FBXO28: variants seen among roughly 807,000 people sequenced by gnomAD.
The protein encoded by FBXO28 is F-box protein 28.
FBXO28 carries 8 observed loss-of-function variants against 38.1 expected under a neutral mutation model. The observed-to-expected ratio is 0.21, with a 90% CI of 0.12 to 0.38. The LOEUF (loss-of-function observed/expected upper bound fraction) is 0.38. Among genes scored for constraint, FBXO28 ranks in the 10% least tolerant of loss-of-function variants. The pLI, the probability that FBXO28 is intolerant of heterozygous loss-of-function variation, is 1.00. For synonymous variants in FBXO28, 168 were observed against 173.8 expected, an observed-to-expected ratio of 0.97 and a Z score of 0.26; for missense variants, 345 against 460.6, an observed-to-expected ratio of 0.75 and a Z score of 2.30.
At chr1:224,116,710 G>A (rs920234014) in intron 1 of FBXO28, among the ~76,000 whole-genome samples, 1 of 152,072 alleles carries the variant, frequency 6.6e-6, no homozygotes, top group Non-Finnish European at 1.5e-5. Context: ...ACAATAAATA[G>A]GTACACAATC....
chr1:224,145,579 C>G (rs1334105394), intron 3 of FBXO28, among the ~76,000 whole-genome samples: 2 of 152,022 alleles, frequency 1.3e-5, no homozygotes, highest in Non-Finnish European at 2.9e-5. Context: ...TGTCATTGAC[C>G]ATAACATCAT....
intron 3 of FBXO28, among the ~76,000 whole-genome samples, chr1:224,135,102 G>A (rs1189359563): frequency 6.6e-6 from 1 of 152,000 alleles, no homozygotes; most frequent in African/African-American, 2.4e-5. Flanking sequence ...CACTTTCTTT[G>A]CATTATATAC....
At chr1:224,143,543 G>T (rs1241550144) in intron 3 of FBXO28, among the ~76,000 whole-genome samples, 2 of 152,196 alleles carry the variant, frequency 1.3e-5, no homozygotes, top group Admixed American at 6.5e-5. Context: ...TGAATGAATA[G>T]GACGGGTGTG....
intron 1 of FBXO28, among the ~76,000 whole-genome samples, chr1:224,117,902 G>T (rs1656678701): frequency 6.6e-6 from 1 of 152,148 alleles, no homozygotes; most frequent in South Asian, 2.1e-4. Context: ...CCAGCTACTT[G>T]GGAGGCTGAG....
chr1:224,132,425 A>G (rs913394108), intron 2 of FBXO28, among the ~76,000 whole-genome samples: 6 of 152,194 alleles, frequency 3.9e-5, no homozygotes, highest in Admixed American at 3.9e-4. Context: ...TACAATGGAA[A>G]AATGTTGGGG....
rs549931152 is a variant in FBXO28 at position 224,130,611 on chromosome 1, T to TAC, written c.377+32_377+33dup. 2.9e-4 allele frequency: 428 copies of TAC among 1,459,016 alleles called. 1 individual carries two copies. In the South Asian group the frequency reaches 3.8e-3, roughly 13 times the overall value. The allele number at this position is 1,459,016 out of a possible 1,614,324, so 90.4% of individuals were successfully genotyped here. On this transcript the variant is annotated intron_variant, in intron 2 of 4. Coordinates refer to ENST00000366862, the MANE Select transcript of FBXO28 (RefSeq NM_015176.4). ...GTTGTGGGTGGCAATGACAATGATG[T>TAC]ACAGTTGGTTTTGTTTGTTGCTTGA... is the stretch of plus-strand genomic sequence containing the variant.
At chr1:224,121,052 T>G (rs1355260307) in intron 1 of FBXO28, among the ~76,000 whole-genome samples, 1 of 152,178 alleles carries the variant, frequency 6.6e-6, no homozygotes, top group African/African-American at 2.4e-5. Flanking sequence ...ACAAGACCAT[T>G]TTAAGAAAAT....
chr1:224,158,067 A>T lies in FBXO28; in HGVS notation c.*321A>T, dbSNP rs148198746. On this transcript the variant is annotated 3_prime_UTR_variant, in exon 5 of 5. Coordinates refer to ENST00000366862, the MANE Select transcript of FBXO28 (RefSeq NM_015176.4). ...CATATATGCACATACATACGTAAGG[A>T]TCTTAAACCCAGTCTTGACAGACTA... 26 of 1,043,662 alleles carry T rather than the reference A, an allele frequency of 2.5e-5. No individual in the cohort carries two copies. The East Asian group carries it at 1.3e-3, about 54-fold the overall frequency. The allele number at this position is 1,043,662 out of a possible 1,614,324, so 64.7% of individuals were successfully genotyped here.
rs1242824128 is a variant in FBXO28 at position 224,139,498 on chromosome 1, C to G, written c.516+5286C>G. 2.0e-5 allele frequency among the ~76,000 whole-genome samples: 3 copies of G among 151,892 alleles called. No individual in the cohort carries two copies. The East Asian group carries it at 5.8e-4, about 29-fold the overall frequency. Reference sequence around the variant, plus strand: ...GTGGCTCACACCTGTAATCCCAGCACTTTGGGAGGCCAAGGCGGGCAGATC... The same window carrying G: ...GTGGCTCACACCTGTAATCCCAGCAGTTTGGGAGGCCAAGGCGGGCAGATC... On this transcript the variant is annotated intron_variant, in intron 3 of 4. Coordinates refer to ENST00000366862, the MANE Select transcript of FBXO28 (RefSeq NM_015176.4).
In FBXO28 at chr1:224,135,630, AAAAAAG is replaced by A. The variant is rs1553290017; in HGVS notation, c.516+1436_516+1441del. ...CTGTCTCAAAAAAAAAAAAAAAAAA[AAAAAAG>A]AAAAAGAAAAAGAAAAATTTAGTAT... On this transcript the variant is annotated intron_variant, in intron 3 of 4. Transcript: ENST00000366862. 1.2e-4 allele frequency among the ~76,000 whole-genome samples: 14 copies of A among 115,814 alleles called. 1 individual carries two copies. In the East Asian group the frequency reaches 1.2e-3, roughly 10 times the overall value. 76.0% of individuals were successfully genotyped at this position (115,814 alleles called of 152,430 possible).
At chr1:224,152,925 CAAAAAAAAAAAAAAAAAA>C (rs57616453) in intron 3 of FBXO28, among the ~76,000 whole-genome samples, 199 bp from the exon 4 acceptor site, 6 of 64,890 alleles carry the variant, frequency 9.2e-5, no homozygotes, top group Non-Finnish European at 1.4e-4. Flanking sequence ...AACTCTGTCT[CAAAAAAAAAAAAAAAAAA>C]AAAAAAAAAA....
chr1:224,158,261 G>A lies in FBXO28; in HGVS notation c.*515G>A, dbSNP rs1657816714. ...ATGCTTTTTGGTATTGAAGTAATGG[G>A]TAACTAAAATGGACTTCCATAGTAT... On this transcript the variant is annotated 3_prime_UTR_variant, in exon 5 of 5. Coordinates refer to ENST00000366862, the MANE Select transcript of FBXO28 (RefSeq NM_015176.4). 1 of 979,532 alleles carries A rather than the reference G, an allele frequency of 1.0e-6. No homozygotes were observed. The highest frequency in any genetic ancestry group is 4.7e-5 in the South Asian group (1 of 21,154). 60.7% of individuals were successfully genotyped at this position (979,532 alleles called of 1,614,324 possible). A position where few individuals can be genotyped will look rare whatever the true frequency, so the allele number is the denominator to read the frequency against.
chr1:224,139,587 C>G (rs1375800008), intron 3 of FBXO28, among the ~76,000 whole-genome samples: 1 of 151,966 alleles, frequency 6.6e-6, no homozygotes, highest in African/African-American at 2.4e-5. Flanking sequence ...ACTAAAAATA[C>G]AAAAATTAGC....
chr1:224,154,826 A>G (rs1244950732), intron 4 of FBXO28, among the ~76,000 whole-genome samples: 1 of 149,864 alleles, frequency 6.7e-6, no homozygotes, highest in African/African-American at 2.4e-5. Flanking sequence ...AAAAAAAAAA[A>G]AATTAGCCAA....
chr1:224,161,066 C>G lies in FBXO28; in HGVS notation c.*3320C>G, dbSNP rs779825554. ...CAAAGAAACGATGTATGATGTCCCA[C>G]TTGTTCCTTATTCTTAATAAACTTT... On this transcript the variant is annotated 3_prime_UTR_variant, in exon 5 of 5. Transcript: ENST00000366862. The G allele has an allele frequency of 6.6e-6, 1 of 152,156 alleles. No individual in the cohort carries two copies. The highest frequency in any genetic ancestry group is 1.5e-5 in the Non-Finnish European group (1 of 68,020). The allele number at this position is 152,156 out of a possible 1,614,324, so 9.4% of individuals were successfully genotyped here. A position where few individuals can be genotyped will look rare whatever the true frequency, so the allele number is the denominator to read the frequency against.
intron 3 of FBXO28, among the ~76,000 whole-genome samples, chr1:224,144,325 G>A (rs1485772148): frequency 1.3e-5 from 2 of 152,030 alleles, no homozygotes; most frequent in Admixed American, 6.6e-5. Context: ...GCCAGGCATG[G>A]TGGCACACAC....
intron 2 of FBXO28, chr1:224,131,107 A>C (rs1043337832): frequency 2.0e-5 from 3 of 152,338 alleles, no homozygotes; most frequent in African/African-American, 7.2e-5. Context: ...AAATTAAAGA[A>C]GACTTAAATA....
At chr1:224,130,835 ACT>A (rs1426463495) in intron 2 of FBXO28, 10 of 365,318 alleles carry the variant, frequency 2.7e-5, no homozygotes, top group Admixed American at 8.7e-5. Flanking sequence ...AAGAAATAGA[ACT>A]CTCTGTTCAC....
At position 224,161,421 on chromosome 1, in the gene FBXO28, T is replaced by C. The variant is rs1435501964; in HGVS notation, c.*3675T>C. ...AAAACGTCCTATACGATGCAGTTGT[T>C]TGGAAATGGCTGATTTCTGATATGA... On this transcript the variant is annotated 3_prime_UTR_variant, in exon 5 of 5. Transcript: ENST00000366862. 6.6e-6 allele frequency: 1 copy of C among 152,190 alleles called. No individual in the cohort carries two copies. The highest frequency in any genetic ancestry group is 1.9e-4 in the East Asian group (1 of 5,202). 9.4% of individuals were successfully genotyped at this position (152,190 alleles called of 1,614,324 possible).
Sources: gnomAD v4.1 joint callset for allele counts (sites outside exome capture counted in the v4.1 genomes callset) on GRCh38, gnomAD v4.1.1 for gene constraint, MANE v1.5 for transcripts, NCBI Gene and HGNC (gene_info 2026-07-23, HGNC 2026-07-21) for gene names.